Variants in PRSS23 observed in about 807,000 individuals in gnomAD.
PRSS23 encodes the protein protease, serine 23.
Under a neutral mutation model 34.7 loss-of-function variants are expected in PRSS23, and 25 were observed. That is an observed-to-expected ratio of 0.72 (90% CI 0.53 to 1.01). The LOEUF (loss-of-function observed/expected upper bound fraction) is 1.01. Among genes scored for constraint, PRSS23 ranks in the 50% least tolerant of loss-of-function variants. PRSS23 has a pLI of 0.00. For missense variants in PRSS23, 445 were observed against 475.6 expected, an observed-to-expected ratio of 0.94 and a Z score of 0.60; for synonymous variants, 176 against 186.6, an observed-to-expected ratio of 0.94 and a Z score of 0.46.
rs907749231 is a variant in PRSS23, at chr11:86,810,159, A to G, written c.*1364A>G. 1 of 166,492 alleles carries G rather than the reference A, an allele frequency of 6.0e-6. No individual in the cohort carries two copies. Among genetic ancestry groups the G allele is most frequent in the African/African-American group, 2.4e-5 (1 of 41,468 alleles). The allele number at this position is 166,492 out of a possible 1,614,324, so 10.3% of individuals were successfully genotyped here. ...TCAAATCACAGCATATACAGAAAAG[A>G]CTTGGACTTATTGTATGTTTTTATT... On this transcript the variant is annotated 3_prime_UTR_variant, in exon 2 of 2. Transcript: ENST00000280258.
chr11:86,879,451 TGGGGG>T (rs1345850093), intron 2 of PRSS23, among the ~76,000 whole-genome samples: 9 of 145,906 alleles, frequency 6.2e-5, no homozygotes, highest in Admixed American at 4.1e-4. Flanking sequence ...GGGAGGGAGG[TGGGGG>T]TCAGCCCCCG....
chr11:86,939,570 A>G (rs190975308), intron 2 of PRSS23, among the ~76,000 whole-genome samples: 1,847 of 151,188 alleles, frequency 0.012, 34 homozygotes, highest in African/African-American at 0.041. Flanking sequence ...CATGGTAAAT[A>G]TACATCTTAC....
intron 2 of PRSS23, among the ~76,000 whole-genome samples, chr11:86,869,161 T>C (rs1242851072): frequency 6.6e-6 from 1 of 152,180 alleles, no homozygotes; most frequent in Non-Finnish European, 1.5e-5. Flanking sequence ...ATGTCAGCTA[T>C]GCAAATGACT....
chr11:86,889,846 G>A (rs187828296), intron 2 of PRSS23, among the ~76,000 whole-genome samples: 2 of 152,276 alleles, frequency 1.3e-5, no homozygotes, highest in African/African-American at 2.4e-5. Flanking sequence ...TTTCTCTGAT[G>A]TGCAGTAGTT....
chr11:86,851,872 C>T (rs1424286827), intron 2 of PRSS23, among the ~76,000 whole-genome samples: 12 of 152,120 alleles, frequency 7.9e-5, no homozygotes, highest in Admixed American at 7.9e-4. Flanking sequence ...TCATTCCCTG[C>T]TATCATGAGT....
At chr11:86,818,168 A>G (rs940021515) in intron 1 of PRSS23, among the ~76,000 whole-genome samples, 4 of 152,252 alleles carry the variant, frequency 2.6e-5, no homozygotes, top group East Asian at 3.8e-4. Context: ...ATATGTGCAC[A>G]TATCTGCAAA....
Position 86,935,771 on chromosome 11 carries a change from T to C in PRSS23, c.207-15445T>C, listed in dbSNP as rs1469808596. 3 of 152,110 alleles carry C rather than the reference T, an allele frequency of 2.0e-5. No homozygotes were observed. In the East Asian group the frequency reaches 5.8e-4, roughly 29 times the overall value. 9.4% of individuals were successfully genotyped at this position (152,110 alleles called of 1,614,324 possible). A position where few individuals can be genotyped will look rare whatever the true frequency, so the allele number is the denominator to read the frequency against. Reference sequence around the variant, plus strand: ...TCGCTAGAAAGTTACGGAACTGGGATTGGAGTTGACCCCTGCCAACTCCAA... The same window carrying C: ...TCGCTAGAAAGTTACGGAACTGGGACTGGAGTTGACCCCTGCCAACTCCAA... On this transcript the variant is annotated intron_variant, in intron 2 of 2. Coordinates refer to the PRSS23 transcript ENST00000533902.
In PRSS23 at chr11:86,866,961, C is replaced by G. The variant is rs1274690618; in HGVS notation, c.206+43368C>G. Reference sequence around the variant, plus strand: ...CTTTCCAGCCATCAGAATCATGAGCCAAGTAAGGCCTTTTCCTTTATAAAT... The same window carrying G: ...CTTTCCAGCCATCAGAATCATGAGCGAAGTAAGGCCTTTTCCTTTATAAAT... On this transcript the variant is annotated intron_variant, in intron 2 of 2. Transcript: ENST00000533902. Among the ~76,000 whole-genome samples the G allele has an allele frequency of 3.9e-5, 6 of 152,180 alleles. 1 individual carries two copies. Among genetic ancestry groups the G allele is most frequent in the Non-Finnish European group, 2.9e-5 (2 of 68,044 alleles).
chr11:86,887,305 A>G (rs915332873), intron 2 of PRSS23, among the ~76,000 whole-genome samples: 3 of 151,982 alleles, frequency 2.0e-5, no homozygotes, highest in Non-Finnish European at 4.4e-5. Context: ...GCAGCTTGGG[A>G]TGGTAGAGAA....
chr11:86,916,359 A>G (rs1770245587), intron 2 of PRSS23, among the ~76,000 whole-genome samples: 1 of 152,148 alleles, frequency 6.6e-6, no homozygotes, highest in Admixed American at 6.5e-5. Context: ...CACTGGTGTT[A>G]CCCTTATCAG....
chr11:86,927,063 A>G (rs1949086333), intron 2 of PRSS23, among the ~76,000 whole-genome samples: 1 of 152,036 alleles, frequency 6.6e-6, no homozygotes, highest in Non-Finnish European at 1.5e-5. Context: ...AATTAACAGA[A>G]CCTCTGGATT....
intron 2 of PRSS23, among the ~76,000 whole-genome samples, chr11:86,914,025 T>C: frequency 8.8e-6 from 1 of 113,126 alleles, no homozygotes; most frequent in East Asian, 2.6e-4. Context: ...ACGAATGTGG[T>C]GAAACACCAT....
chr11:86,861,444 A>G (rs1948614378), intron 2 of PRSS23, among the ~76,000 whole-genome samples: 1 of 151,616 alleles, frequency 6.6e-6, no homozygotes, highest in Non-Finnish European at 1.5e-5. Flanking sequence ...CCTCTCTGTG[A>G]CAGCGTTTGT....
chr11:86,921,224 C>T (rs1450168021), intron 2 of PRSS23: 2 of 152,168 alleles, frequency 1.3e-5, no homozygotes, highest in Non-Finnish European at 2.9e-5. Context: ...GAGGTCTCAG[C>T]TTAAATATTA....
upstream of PRSS23, among the ~76,000 whole-genome samples, chr11:86,799,846 C>T (rs952086990): frequency 1.1e-4 from 17 of 152,318 alleles, no homozygotes; most frequent in African/African-American, 4.1e-4. Context: ...CAGAAGCTGC[C>T]AAGCACCCCC....
At chr11:86,832,952 C>A in intron 2 of PRSS23, 1 of 367,494 alleles carries the variant, frequency 2.7e-6, no homozygotes, top group Non-Finnish European at 5.2e-6. Context: ...ATCCTTGATG[C>A]AGGTCATTTG....
intron 2 of PRSS23, among the ~76,000 whole-genome samples, chr11:86,878,810 G>A (rs563769006): frequency 6.6e-6 from 1 of 151,598 alleles, no homozygotes; most frequent in Non-Finnish European, 1.5e-5. Context: ...TCCCATCTAG[G>A]AAGTGAGGAG....
At chr11:86,952,438 G>T (rs1177327041) in exon 3 of PRSS23, 1 of 1,613,702 alleles carries the variant, frequency 6.2e-7, no homozygotes, top group Non-Finnish European at 8.5e-7. Context: ...TCTTCTCTGT[G>T]CACATTGGCA....
intron 2 of PRSS23, among the ~76,000 whole-genome samples, chr11:86,864,261 C>T (rs1237894409): frequency 6.6e-6 from 1 of 151,972 alleles, no homozygotes; most frequent in Non-Finnish European, 1.5e-5. Flanking sequence ...CCTGGCCTGA[C>T]ACAGGACTGA....
Sources: gnomAD v4.1 joint callset for allele counts (sites outside exome capture counted in the v4.1 genomes callset) on GRCh38, gnomAD v4.1.1 for gene constraint, MANE v1.5 for transcripts, NCBI Gene and HGNC (gene_info 2026-07-23, HGNC 2026-07-21) for gene names.